The following FAT3 variants were observed in gnomAD, a reference collection of about 807,000 sequenced individuals.
The protein encoded by FAT3 is FAT atypical cadherin 3, also known as protocadherin Fat 3.
A neutral mutation model predicts 310.2 loss-of-function variants in FAT3; 95 were observed. The ratio of observed to expected loss-of-function variants is 0.31; its 90% CI spans 0.26 to 0.36. The LOEUF is 0.36. Ranked by LOEUF, FAT3 falls within the 10% of genes least tolerant of loss-of-function variation. The pLI is 1.00. For synonymous variants in FAT3, 2,314 were observed against 2,192.9 expected (o/e 1.06, Z -1.54); for missense variants, 5,408 against 5,715.6 (o/e 0.95, Z 1.74).
chr11:92,429,281 G>C (rs1401861281), intron 2 of FAT3, among the ~76,000 whole-genome samples: 1 of 152,012 alleles, frequency 6.6e-6, no homozygotes, highest in Non-Finnish European at 1.5e-5. Flanking sequence ...GTCTTTGCAA[G>C]TGAGATGGGT....
chr11:92,716,740 C>T (rs1467551885), intron 4 of FAT3, among the ~76,000 whole-genome samples: 1 of 152,120 alleles, frequency 6.6e-6, no homozygotes, highest in African/African-American at 2.4e-5. Flanking sequence ...AATACATCAT[C>T]CCAGCCTAAT....
intron 23 of FAT3, 125 bp from the exon 24 acceptor site, chr11:92,882,613 T>A: frequency 4.3e-6 from 2 of 460,052 alleles, no homozygotes; most frequent in Non-Finnish European, 3.5e-6. Flanking sequence ...ATCTTTGTCC[T>A]GCTTCATCTG....
chr11:92,350,007 G>A (rs1286821226), intron 1 of FAT3, among the ~76,000 whole-genome samples: 4 of 151,492 alleles, frequency 2.6e-5, no homozygotes, highest in Non-Finnish European at 5.9e-5. Context: ...AAAGCCTTGT[G>A]GGGTATGGAG....
At chr11:92,321,892 T>C (rs537457944) in intron 1 of FAT3, among the ~76,000 whole-genome samples, 1 of 152,324 alleles carries the variant, frequency 6.6e-6, no homozygotes, top group Admixed American at 6.5e-5. Context: ...ACTTACTTTG[T>C]TTCAAGAGAG....
chr11:92,497,897 A>G (rs1016180216), intron 2 of FAT3, among the ~76,000 whole-genome samples: 1 of 152,060 alleles, frequency 6.6e-6, no homozygotes, highest in African/African-American at 2.4e-5. Context: ...CGAAACAGGC[A>G]TAAACACAAG....
intron 3 of FAT3, among the ~76,000 whole-genome samples, chr11:92,565,985 G>A (rs1304612336): frequency 6.6e-6 from 1 of 152,142 alleles, no homozygotes; most frequent in Non-Finnish European, 1.5e-5. Flanking sequence ...ACAAGACAGG[G>A]ATGCCCTCTC....
At chr11:92,575,312 G>T (rs943735602) in intron 3 of FAT3, among the ~76,000 whole-genome samples, 1 of 152,080 alleles carries the variant, frequency 6.6e-6, no homozygotes, top group Non-Finnish European at 1.5e-5. Context: ...CCTGTCCCCA[G>T]TTGTTTTCTT....
chr11:92,882,057 A>G (rs1026936660), intron 23 of FAT3, among the ~76,000 whole-genome samples: 2 of 152,200 alleles, frequency 1.3e-5, no homozygotes, highest in Admixed American at 6.5e-5. Flanking sequence ...ACCGATATAT[A>G]GATTCACAGC....
intron 1 of FAT3, among the ~76,000 whole-genome samples, chr11:92,281,926 GAC>G (rs766563650): frequency 1.5e-4 from 23 of 150,904 alleles, no homozygotes; most frequent in Non-Finnish European, 3.1e-4. Flanking sequence ...TTTTTTTTGA[GAC>G]ACAGTCTCTC....
intron 2 of FAT3, among the ~76,000 whole-genome samples, chr11:92,483,853 C>A (rs1660452775): frequency 6.6e-6 from 1 of 152,180 alleles, no homozygotes; most frequent in Admixed American, 6.5e-5. Flanking sequence ...TCAAAATAAG[C>A]AAACTGATTC....
rs187743131 is a variant in FAT3, at chr11:92,480,205, C to A, written c.3293-44429C>A. ...GCATGAACCCAAGAGGCAGAGCTTA[C>A]CGCGAGCCGAGATGGCACCACTGCA... On this transcript the variant is annotated intron_variant, in intron 2 of 27. Transcript: ENST00000525166. Among the ~76,000 whole-genome samples the A allele has an allele frequency of 1.6e-3, 243 of 152,216 alleles. 2 individuals are homozygous for A. Among genetic ancestry groups the A allele is most frequent in the Non-Finnish European group, 1.4e-3 (94 of 68,004 alleles).
intron 2 of FAT3, chr11:92,403,354 CTG>C (rs1950066321): frequency 6.6e-6 from 1 of 152,142 alleles, no homozygotes; most frequent in Non-Finnish European, 1.5e-5. Context: ...CACTTACTTG[CTG>C]TGTTTCCCTG....
intron 3 of FAT3, among the ~76,000 whole-genome samples, chr11:92,582,454 G>T (rs940784053): frequency 1.3e-5 from 2 of 151,838 alleles, no homozygotes; most frequent in African/African-American, 2.4e-5. Context: ...ATTAATTTTT[G>T]TGTATCTGAT....
chr11:92,697,410 T>C lies in FAT3; in HGVS notation c.3634T>C (p.Leu1212=), dbSNP rs901021002. The stretch of plus-strand genomic sequence containing the variant: ...TCTGATTACAACAACTTCAAGGAAA[T>C]TGGATCGAGAACAGCAGGCAGAACA... ...TGLITTTSRK[L]DREQQAEHFL... Residue 1212 remains leucine (L), a synonymous_variant, in exon 4 of 28, where the codon TTG becomes CTG. Coordinates refer to ENST00000525166, the MANE Select transcript of FAT3 (RefSeq NM_001367949.2). 1.2e-5 allele frequency: 20 copies of C among 1,613,696 alleles called. No individual in the cohort carries two copies. In the African/African-American group the frequency reaches 1.7e-4, roughly 14 times the overall value.
chr11:92,872,009 A>G (rs73557939), intron 22 of FAT3, among the ~76,000 whole-genome samples: 20 of 152,184 alleles, frequency 1.3e-4, no homozygotes, highest in African/African-American at 4.8e-4. Context: ...TACCCCAGTC[A>G]GGAGATTTTG....
At chr11:92,754,796 A>AG (rs1353572215) in intron 4 of FAT3, among the ~76,000 whole-genome samples, 3 of 151,258 alleles carry the variant, frequency 2.0e-5, no homozygotes, top group African/African-American at 7.3e-5. Context: ...TGAATCTGAG[A>AG]GGGGGAGGTT....
In FAT3 at chr11:92,491,256, G is replaced by C. The variant is rs138530876; in HGVS notation, c.3293-33378G>C. Among the ~76,000 whole-genome samples, 435 of 152,140 alleles carry C rather than the reference G, an allele frequency of 2.9e-3. 1 individual carries two copies. Among genetic ancestry groups the C allele is most frequent in the African/African-American group, 9.8e-3 (409 of 41,530 alleles). ...AATTCTCCCTTCCTCCTGTCCCTAA[G>C]GGACATTGGCCTATATCTGGAGCCA... is the stretch of plus-strand genomic sequence containing the variant. On this transcript the variant is annotated intron_variant, in intron 2 of 27. Coordinates refer to ENST00000525166, the MANE Select transcript of FAT3 (RefSeq NM_001367949.2).
chr11:92,641,941 C>T (rs1941979225), intron 3 of FAT3, among the ~76,000 whole-genome samples: 1 of 152,208 alleles, frequency 6.6e-6, no homozygotes. Context: ...ATGTTGAGAT[C>T]TCTGCAACAT....
At chr11:92,771,849 G>A (rs1445987320) in intron 6 of FAT3, among the ~76,000 whole-genome samples, 1 of 151,852 alleles carries the variant, frequency 6.6e-6, no homozygotes, top group Non-Finnish European at 1.5e-5. Flanking sequence ...TATGCCATAT[G>A]TAAATGTTAT....
Sources: allele counts gnomAD v4.1 joint callset (sites outside exome capture counted in the v4.1 genomes callset), GRCh38; gene constraint gnomAD v4.1.1; transcripts MANE v1.5; gene names NCBI Gene and HGNC (gene_info 2026-07-23, HGNC 2026-07-21).